MICAL1: variants seen among roughly 807,000 people sequenced by gnomAD.
MICAL1 encodes the protein [F-actin]-monooxygenase MICAL1.
In MICAL1, 95 loss-of-function variants were observed where a neutral mutation model predicts 131.8. The ratio of observed to expected loss-of-function variants is 0.72; its 90% CI spans 0.61 to 0.86. The LOEUF is 0.86. MICAL1 is among the 40% of genes least tolerant of loss of function. The probability of loss-of-function intolerance (pLI) is 0.00; values close to 1 mark genes in which losing one functional copy is unlikely to be tolerated. For synonymous variants in MICAL1, 546 were observed against 554.2 expected, an observed-to-expected ratio of 0.99 and a Z score of 0.21; for missense variants, 1,292 against 1,380.6, an observed-to-expected ratio of 0.94 and a Z score of 1.02.
In MICAL1 at chr6:109,445,446, C is replaced by T; in HGVS notation, c.2757G>A (p.Glu919=). 6.2e-7 allele frequency: 1 copy of T among 1,614,110 alleles called. No homozygotes were observed. The highest frequency in any genetic ancestry group is 1.1e-5 in the South Asian group (1 of 91,090). The change falls in exon 21 of 25, where the codon GAG becomes GAA. Residue 919 remains glutamate (E), a synonymous_variant. Transcript: ENST00000358807. ...WRRTLLRRAK[E]EEMKRFCKAQ... is the part of the protein sequence containing the mutation. ...CCTTGCAGAACCTCTTCATCTCCTC[C>T]TCCTTCGCACGGCGCAGCAGAGTCC...
At chr6:109,461,796 A>T (rs1775894031) in intron 1 of MICAL1, among the ~76,000 whole-genome samples, 1 of 152,150 alleles carries the variant, frequency 6.6e-6, no homozygotes, top group Admixed American at 6.6e-5. Flanking sequence ...TTTTGGTTCT[A>T]TTAACCTTGG....
Position 109,446,234 on chromosome 6 carries a change from T to G in MICAL1, c.2483A>C (p.Glu828Ala). 1.2e-6 allele frequency: 2 copies of G among 1,607,000 alleles called. No individual in the cohort carries two copies. Among genetic ancestry groups the G allele is most frequent in the Non-Finnish European group, 1.7e-6 (2 of 1,177,164 alleles). Residue 828 changes from glutamate (E) to alanine (A), a missense_variant, in exon 19 of 25, where the codon GAG becomes GCG. Glu to Ala is a moderately radical substitution (Grantham distance 107). Transcript: ENST00000358807. ...SLNLTPDPEM[E>A]PPPKPPRSCS... ...GCTGCGGGGAGGCTTGGGTGGAGGC[T>G]CCATTTCCGGGTCAGGGGTAAGGTT...
chr6:109,465,743 A>G, exon 1 of MICAL1: 1 of 1,611,822 alleles, frequency 6.2e-7, no homozygotes, highest in Non-Finnish European at 8.5e-7. Flanking sequence ...GCTCTCACAG[A>G]AGCATCTGCA....
At chr6:109,444,655 G>C in intron 24 of MICAL1, 70 bp downstream of exon 24, 1 of 1,544,104 alleles carries the variant, frequency 6.5e-7, no homozygotes, top group Non-Finnish European at 9.0e-7. Context: ...TGCTTGGTCA[G>C]TATCTGAGAT....
At chr6:109,454,343 C>T (rs908030594) in intron 1 of MICAL1, 104 bp from the exon 2 acceptor site, 2 of 1,146,512 alleles carry the variant, frequency 1.7e-6, no homozygotes, top group Non-Finnish European at 2.4e-6. Context: ...GCTCGGGATT[C>T]ACCAGTGATT....
chr6:109,448,640 T>C (rs2115330574), intron 12 of MICAL1, 92 bp downstream of exon 12: 2 of 1,544,428 alleles, frequency 1.3e-6, no homozygotes, highest in East Asian at 2.3e-5. Flanking sequence ...TGTCGGCAGA[T>C]GCAGGGAAGC....
rs777748079 is a variant in MICAL1, at chr6:109,454,113, G to A, written c.84C>T (p.Ser28=). Residue 28 remains serine (S), a synonymous_variant, in exon 2 of 25, where the codon AGC becomes AGT. Coordinates refer to ENST00000358807, the MANE Select transcript of MICAL1 (RefSeq NM_022765.4). ...LQAQLCQDVL[S]SFQELCGALG... ...GGGCCCCACACAGCTCCTGGAAGCT[G>A]CTCAGCACGTCCTGGCACAGCTGGG... The A allele has an allele frequency of 3.7e-6, 6 of 1,613,770 alleles. No homozygotes were observed. The highest frequency in any genetic ancestry group is 1.3e-5 in the African/African-American group (1 of 75,064).
In MICAL1 at chr6:109,449,782, C is replaced by CA. The variant is rs1235896828; in HGVS notation, c.1308dup (p.Glu437Ter). The CA allele has an allele frequency of 6.8e-6, 11 of 1,608,214 alleles. No homozygotes were observed. The highest frequency in any genetic ancestry group is 9.3e-6 in the Non-Finnish European group (11 of 1,177,268). ...TGTGACAGAAGCTGGTACAGGCTCT[C>CA]ACTGAGGGGGTGAGGGTAAGGGGCA... On this transcript the variant is annotated frameshift_variant and splice_region_variant, in exon 10 of 25. Coordinates refer to ENST00000358807, the MANE Select transcript of MICAL1 (RefSeq NM_022765.4). LOFTEE classifies it high-confidence loss of function.
chr6:109,449,782 C>T lies in MICAL1; in HGVS notation c.1309G>A (p.Glu437Lys), dbSNP rs760321058. 10 of 1,608,214 alleles carry T rather than the reference C, an allele frequency of 6.2e-6. No individual in the cohort carries two copies. The highest frequency in any genetic ancestry group is 8.5e-6 in the Non-Finnish European group (10 of 1,177,268). The change falls in exon 10 of 25, where the codon GAG becomes AAG. Residue 437 changes from glutamate to lysine, a missense_variant and splice_region_variant. Physicochemically the swap from Glu to Lys is moderately conservative, Grantham distance 56. Coordinates refer to ENST00000358807, the MANE Select transcript of MICAL1 (RefSeq NM_022765.4). The part of the protein sequence containing the change: ...AESLEVLAER[E>K]SLYQLLSQTS... ...TGTGACAGAAGCTGGTACAGGCTCT[C>T]ACTGAGGGGGTGAGGGTAAGGGGCA... is the stretch of plus-strand genomic sequence containing the variant.
Position 109,446,690 on chromosome 6 carries a change from CTT to C in MICAL1, c.2304+4_2304+5del. The C allele has an allele frequency of 6.2e-7, 1 of 1,613,366 alleles. No homozygotes were observed. The highest frequency in any genetic ancestry group is 1.1e-5 in the South Asian group (1 of 90,876). ...CCCAATATACATACACGCCTTCAGT[CTT>C]TACCGGACTCTCAGGGCCTCTATCG... On this transcript the variant is annotated splice_donor_5th_base_variant and intron_variant, in intron 18 of 24. Transcript: ENST00000358807.
rs1330645235 is a variant in MICAL1, at chr6:109,446,128, T to C, written c.2581+8A>G. 6.5e-7 allele frequency: 1 copy of C among 1,534,668 alleles called. No individual in the cohort carries two copies. The highest frequency in any genetic ancestry group is 1.3e-5 in the South Asian group (1 of 77,214). On this transcript the variant is annotated splice_region_variant and intron_variant, in intron 19 of 24. Transcript: ENST00000358807. ...CCCTGGGTCAGCACATCTGTGAGGA[T>C]GGGTTACCTTGAGGGCTCTGGACTG...
chr6:109,464,880 C>T (rs887994270), intron 1 of MICAL1: 3 of 152,148 alleles, frequency 2.0e-5, no homozygotes, highest in African/African-American at 7.2e-5. Flanking sequence ...GAATTATAAG[C>T]TTCCATCTCC....
chr6:109,447,821 T>C lies in MICAL1; in HGVS notation c.1944+54A>G, dbSNP rs879215972. On this transcript the variant is annotated intron_variant, in intron 14 of 24. Coordinates refer to ENST00000358807, the MANE Select transcript of MICAL1 (RefSeq NM_022765.4). ...CCATCACCCCAGGATCTCCACTGGG[T>C]ACCCCCCTGCCCACTCCTCCCTGCT... is the stretch of plus-strand genomic sequence containing the variant. The C allele has an allele frequency of 5.2e-5, 84 of 1,609,942 alleles. 2 individuals carry two copies. The South Asian group carries it at 8.9e-4, about 17-fold the overall frequency.
chr6:109,445,616 G>A (rs1775178314), intron 20 of MICAL1, 87 bp from the exon 21 acceptor site: 20 of 1,545,658 alleles, frequency 1.3e-5, no homozygotes, highest in Non-Finnish European at 1.8e-5. Context: ...AATAACCCGT[G>A]CTGAAGTGGG....
chr6:109,453,791 G>C lies in MICAL1; in HGVS notation c.313C>G (p.Leu105Val). 1 of 1,613,748 alleles carries C rather than the reference G, an allele frequency of 6.2e-7. No individual in the cohort carries two copies. ...ACCAGCACCACTCGGGCCCCCAGCA[G>C]CGCCAGCTCCACAGCGACCCGCAGC... is the stretch of plus-strand genomic sequence containing the variant. ...CGLRVAVELA[L>V]LGARVVLVEK... Residue 105 changes from leucine to valine, a missense_variant, in exon 3 of 25, where the codon CTG becomes GTG. Coordinates refer to ENST00000358807, the MANE Select transcript of MICAL1 (RefSeq NM_022765.4).
chr6:109,450,584 A>T, intron 7 of MICAL1, 27 bp from the exon 8 acceptor site: 1 of 1,582,894 alleles, frequency 6.3e-7, no homozygotes, highest in Non-Finnish European at 8.6e-7. Flanking sequence ...GCAGAACCTC[A>T]GAGACCTCTG....
intron 20 of MICAL1, 31 bp from the exon 21 acceptor site, chr6:109,445,560 G>T: frequency 1.2e-6 from 2 of 1,610,660 alleles, no homozygotes; most frequent in Non-Finnish European, 1.7e-6. Flanking sequence ...TCAGGGATAG[G>T]GCCTGGGCCC....
rs765492673 is a variant in MICAL1 at position 109,444,745 on chromosome 6, C to T, written c.3035G>A (p.Arg1012Gln). Residue 1012 changes from arginine (R) to glutamine (Q), a missense_variant, in exon 24 of 25, where the codon CGA becomes CAA. Transcript: ENST00000358807. Reference sequence around the variant, plus strand: ...CCTACCTTCCCGGTTCATGTAGCCTCGTAGCTCCTGGTCCAGCTGCCACTG... The same window carrying T: ...CCTACCTTCCCGGTTCATGTAGCCTTGTAGCTCCTGGTCCAGCTGCCACTG... Reference protein sequence around the residue: ...EKQWQLDQELRGYMNREENLK... With the variant: ...EKQWQLDQELQGYMNREENLK... The T allele has an allele frequency of 2.4e-5, 38 of 1,613,994 alleles. 1 individual carries two copies. Among genetic ancestry groups the T allele is most frequent in the South Asian group, 1.9e-4 (17 of 91,094 alleles).
At chr6:109,457,514 G>A (rs1428272413), upstream of MICAL1, among the ~76,000 whole-genome samples, 1 of 151,534 alleles carries the variant, frequency 6.6e-6, no homozygotes. Context: ...GAATAAAGAG[G>A]AGGGTTGCTG....
Sources: gnomAD v4.1 joint callset for allele counts (sites outside exome capture counted in the v4.1 genomes callset) on GRCh38, gnomAD v4.1.1 for gene constraint, MANE v1.5 for transcripts, NCBI Gene and HGNC (gene_info 2026-07-23, HGNC 2026-07-21) for gene names.